ACOXL: variants seen among roughly 807,000 people sequenced by gnomAD.
ACOXL encodes acyl-CoA oxidase like.
Under a neutral mutation model 71.9 loss-of-function variants are expected in ACOXL, and 70 were observed. The observed-to-expected ratio is 0.97, with a 90% confidence interval of 0.80 to 1.19. ACOXL has a LOEUF of 1.19. Ranked by LOEUF, ACOXL falls within the 50% of genes most tolerant of loss-of-function variation. The pLI is 0.00. For synonymous variants in ACOXL, 253 were observed against 281.6 expected (o/e 0.90, Z 1.02); for missense variants, 703 against 736.3 (o/e 0.95, Z 0.52).
At chr2:110,989,550 CA>C (rs983447869) in intron 13 of ACOXL, among the ~76,000 whole-genome samples, 1 of 152,116 alleles carries the variant, frequency 6.6e-6, no homozygotes, top group Non-Finnish European at 1.5e-5. Flanking sequence ...ACTTACATGA[CA>C]TACCTAGAGT....
At chr2:110,821,729 G>A (rs1688626078) in intron 9 of ACOXL, among the ~76,000 whole-genome samples, 1 of 152,102 alleles carries the variant, frequency 6.6e-6, no homozygotes, top group African/African-American at 2.4e-5. Context: ...GAAATTATTT[G>A]GAATTCTTTT....
chr2:111,062,864 C>T lies in ACOXL; in HGVS notation c.1440+13576C>T, dbSNP rs75579237. ...ACAGAAAAATAATAGGGAACAACAA[C>T]GAAACAAAGAGCTAGATCTTTTAAA... On this transcript the variant is annotated intron_variant, in intron 16 of 17. Coordinates refer to ENST00000439055, the MANE Select transcript of ACOXL (RefSeq NM_001142807.4). 1.8e-3 allele frequency among the ~76,000 whole-genome samples: 275 copies of T among 152,012 alleles called. 1 individual carries two copies. The highest frequency in any genetic ancestry group is 6.0e-3 in the African/African-American group (250 of 41,466).
chr2:110,740,616 A>G (rs536543823), intron 1 of ACOXL, among the ~76,000 whole-genome samples: 68 of 152,368 alleles, frequency 4.5e-4, no homozygotes, highest in African/African-American at 1.5e-3. Flanking sequence ...TTAATGTGTA[A>G]AATATGCCTT....
chr2:111,009,619 G>A (rs1350864020), intron 14 of ACOXL, among the ~76,000 whole-genome samples: 1 of 152,080 alleles, frequency 6.6e-6, no homozygotes, highest in Non-Finnish European at 1.5e-5. Flanking sequence ...AGAGAGGGAA[G>A]CTTCAAAATA....
chr2:111,039,777 G>T lies in ACOXL; in HGVS notation c.1369+8063G>T, dbSNP rs558972447. 1.8e-4 allele frequency among the ~76,000 whole-genome samples: 27 copies of T among 152,274 alleles called. 1 individual carries two copies. The South Asian group carries it at 5.4e-3, about 30-fold the overall frequency. ...ATGGGTGAAAATTCTTCTGTGTCCAGGAGTGCAGCAACAAAGGACTTTGCA... is the reference window on the plus strand; with the variant it reads ...ATGGGTGAAAATTCTTCTGTGTCCATGAGTGCAGCAACAAAGGACTTTGCA... On this transcript the variant is annotated intron_variant, in intron 15 of 17. Transcript: ENST00000439055.
At chr2:110,801,398 A>G (rs1375387323) in intron 7 of ACOXL, among the ~76,000 whole-genome samples, 1 of 152,194 alleles carries the variant, frequency 6.6e-6, no homozygotes, top group Admixed American at 6.5e-5. Flanking sequence ...AAGCATGCAC[A>G]TGCAGGCTGC....
intron 14 of ACOXL, among the ~76,000 whole-genome samples, chr2:111,029,287 A>C (rs1324547910): frequency 6.6e-6 from 1 of 152,114 alleles, no homozygotes; most frequent in South Asian, 2.1e-4. Context: ...AAGATGAGAG[A>C]GTTGATTTCT....
chr2:111,084,156 A>G (rs542059102), intron 16 of ACOXL, among the ~76,000 whole-genome samples: 59 of 152,092 alleles, frequency 3.9e-4, no homozygotes, highest in African/African-American at 1.4e-3. Flanking sequence ...GCAAGACCCC[A>G]TCTCTCCCAA....
chr2:111,009,999 T>C (rs968606041), intron 14 of ACOXL, among the ~76,000 whole-genome samples: 1 of 152,148 alleles, frequency 6.6e-6, no homozygotes, highest in Non-Finnish European at 1.5e-5. Context: ...TAAGACTCAA[T>C]ACCCTTTAGA....
At chr2:110,968,587 T>C in intron 12 of ACOXL, 1 of 930,960 alleles carries the variant, frequency 1.1e-6, no homozygotes, top group Non-Finnish European at 1.7e-6. Flanking sequence ...ATCAAGTCTA[T>C]GAAAAGAAGC....
chr2:110,962,091 A>G (rs6758192), intron 12 of ACOXL, among the ~76,000 whole-genome samples: 76,145 of 152,094 alleles, frequency 0.5, 19,654 homozygotes, highest in East Asian at 0.79. Context: ...CACAATCCTG[A>G]GCCTCACTTG....
At chr2:110,829,000 A>G (rs1256233835) in intron 9 of ACOXL, among the ~76,000 whole-genome samples, 8 of 152,086 alleles carry the variant, frequency 5.3e-5, no homozygotes, top group Non-Finnish European at 1.2e-4. Flanking sequence ...TAGTAGAGAT[A>G]GGGTTTCTCC....
chr2:110,909,033 C>T (rs2059559235), intron 11 of ACOXL, 128 bp downstream of exon 11: 9 of 681,286 alleles, frequency 1.3e-5, no homozygotes, highest in South Asian at 5.4e-5. Context: ...TTGTTAAAAT[C>T]GGATGCCCAG....
intron 10 of ACOXL, among the ~76,000 whole-genome samples, chr2:110,844,118 C>T (rs768763165): frequency 3.2e-4 from 49 of 152,190 alleles, no homozygotes; most frequent in Admixed American, 5.2e-4. Flanking sequence ...TGCAGTAACT[C>T]AGAGACAGCA....
chr2:110,852,701 C>CT (rs370470397), intron 10 of ACOXL, among the ~76,000 whole-genome samples: 159 of 152,328 alleles, frequency 1.0e-3, no homozygotes, highest in African/African-American at 3.6e-3. Flanking sequence ...ACCCTGTTCG[C>CT]TGTGGCCAAT....
At chr2:110,765,868 C>T (rs1043379377) in intron 1 of ACOXL, among the ~76,000 whole-genome samples, 2 of 152,152 alleles carry the variant, frequency 1.3e-5, no homozygotes, top group African/African-American at 2.4e-5. Flanking sequence ...AACATTTAGA[C>T]CATAGCAATC....
chr2:110,833,478 G>A (rs944931325), intron 9 of ACOXL, among the ~76,000 whole-genome samples: 2 of 152,148 alleles, frequency 1.3e-5, no homozygotes, highest in Admixed American at 6.5e-5. Context: ...GATGCTTGCG[G>A]GGATGGAGAT....
intron 16 of ACOXL, among the ~76,000 whole-genome samples, chr2:111,080,238 A>G (rs1189934113): frequency 2.0e-5 from 3 of 151,982 alleles, no homozygotes; most frequent in Non-Finnish European, 2.9e-5. Context: ...CTCTGATCTT[A>G]GTTATTTCTT....
intron 10 of ACOXL, among the ~76,000 whole-genome samples, chr2:110,894,795 C>T (rs532548177): frequency 3.0e-4 from 46 of 152,280 alleles, no homozygotes; most frequent in African/African-American, 1.1e-3. Context: ...CCAGTAAAGA[C>T]TATATGGGGA....
Sources: allele counts gnomAD v4.1 joint callset (sites outside exome capture counted in the v4.1 genomes callset), GRCh38; gene constraint gnomAD v4.1.1; transcripts MANE v1.5; gene names NCBI Gene and HGNC (gene_info 2026-07-23, HGNC 2026-07-21).